Variants in POLA1 observed in about 807,000 individuals in gnomAD.
The protein encoded by POLA1 is DNA polymerase alpha 1, catalytic subunit.
Under a neutral mutation model 124.0 loss-of-function variants are expected in POLA1, and 15 were observed. That is an observed-to-expected ratio of 0.12 (90% CI 0.08 to 0.19). The LOEUF (loss-of-function observed/expected upper bound fraction) is 0.19. Among genes scored for constraint, POLA1 ranks in the 10% least tolerant of loss-of-function variants. The pLI is 1.00. For synonymous variants in POLA1, 408 were observed against 389.4 expected, an observed-to-expected ratio of 1.05 and a Z score of -0.56; for missense variants, 886 against 1,103.4, an observed-to-expected ratio of 0.80 and a Z score of 2.79.
chrX:24,736,417 C>T lies in POLA1; in HGVS notation c.1923+929C>T, dbSNP rs1487894045. ...GTGACATTCTGTCTCAGCACCAGGCCCTCAGTCAGCCTCCAATAACAACAG... is the reference window on the plus strand; with the variant it reads ...GTGACATTCTGTCTCAGCACCAGGCTCTCAGTCAGCCTCCAATAACAACAG... On this transcript the variant is annotated intron_variant, in intron 18 of 36. Coordinates refer to ENST00000379068, the MANE Select transcript of POLA1 (RefSeq NM_001330360.2). Among the ~76,000 whole-genome samples, 3 of 111,478 alleles carry T rather than the reference C, an allele frequency of 2.7e-5. No individual in the cohort carries two copies. In the Admixed American group the frequency reaches 2.9e-4, roughly 11 times the overall value.
At chrX:24,968,409 A>G (rs1162905275) in intron 36 of POLA1, among the ~76,000 whole-genome samples, 1 of 111,901 alleles carries the variant, frequency 8.9e-6, no homozygotes, top group Non-Finnish European at 1.9e-5. Flanking sequence ...TTGCTATAAG[A>G]AGAATCCAGG....
intron 26 of POLA1, among the ~76,000 whole-genome samples, chrX:24,785,055 T>A (rs2148458316): frequency 8.9e-6 from 1 of 112,537 alleles, no homozygotes; most frequent in Non-Finnish European, 1.9e-5. Flanking sequence ...AGTTGGAGAA[T>A]CTCTCAAATG....
At chrX:24,726,911 C>CTT (rs761855543) in intron 13 of POLA1, 22 bp from the exon 14 acceptor site, 25 of 887,656 alleles carry the variant, frequency 2.8e-5, no homozygotes, top group Admixed American at 7.0e-5. Context: ...CAAAAAGATT[C>CTT]TTTTTTTTTT....
At chrX:24,786,568 G>A (rs1364299401) in intron 26 of POLA1, among the ~76,000 whole-genome samples, 3 of 109,003 alleles carry the variant, frequency 2.8e-5, no homozygotes, top group Admixed American at 9.9e-5. Flanking sequence ...GAGTCCAGTG[G>A]CACAATCATA....
chrX:24,849,303 A>C (rs764645253), intron 34 of POLA1, among the ~76,000 whole-genome samples: 1 of 112,815 alleles, frequency 8.9e-6, no homozygotes, highest in African/African-American at 3.2e-5. Context: ...TTTTTTTAGG[A>C]ATCCATAGAA....
At position 24,991,202 on chromosome X, in the gene POLA1, C is replaced by G. The variant is rs753695577; in HGVS notation, c.4262-4603C>G. 1.6e-4 allele frequency among the ~76,000 whole-genome samples: 17 copies of G among 109,421 alleles called. No individual in the cohort carries two copies. The South Asian group carries it at 2.9e-3, about 19-fold the overall frequency. On this transcript the variant is annotated intron_variant, in intron 36 of 36. Transcript: ENST00000379068. ...TTTTTCCTTCTCTACAACCTCCCCCCCCACACCCACCCAAAAAAAAATTCT... is the reference window on the plus strand; with the variant it reads ...TTTTTCCTTCTCTACAACCTCCCCCGCCACACCCACCCAAAAAAAAATTCT...
At chrX:24,910,078 A>G (rs1438516939) in intron 35 of POLA1, among the ~76,000 whole-genome samples, 4 of 108,888 alleles carry the variant, frequency 3.7e-5, no homozygotes, top group Non-Finnish European at 5.7e-5. Context: ...ATTTTTGCAC[A>G]TTGATTTTGT....
chrX:24,865,009 A>G (rs1249241852), intron 34 of POLA1, among the ~76,000 whole-genome samples: 2 of 111,803 alleles, frequency 1.8e-5, no homozygotes, highest in Non-Finnish European at 3.8e-5. Context: ...CCATTTTTAC[A>G]GGTAAGGAAG....
intron 29 of POLA1, among the ~76,000 whole-genome samples, chrX:24,814,351 CT>C (rs2045955138): frequency 8.9e-6 from 1 of 112,380 alleles, no homozygotes; most frequent in African/African-American, 3.2e-5. Flanking sequence ...AAAATATTGG[CT>C]TTCTTACTCC....
intron 24 of POLA1, among the ~76,000 whole-genome samples, chrX:24,746,574 A>G (rs1198277899): frequency 8.9e-6 from 1 of 112,131 alleles, no homozygotes; most frequent in Admixed American, 9.5e-5. Context: ...GTACCTCAGA[A>G]CAGTTAGTGT....
intron 36 of POLA1, among the ~76,000 whole-genome samples, chrX:24,950,841 A>T (rs2048028746): frequency 8.9e-6 from 1 of 112,156 alleles, no homozygotes; most frequent in South Asian, 3.7e-4. Context: ...CAGCTGTTAC[A>T]GAGTCATGTA....
chrX:24,828,762 G>A (rs1406609510), intron 32 of POLA1, among the ~76,000 whole-genome samples: 3 of 111,562 alleles, frequency 2.7e-5, no homozygotes, highest in Non-Finnish European at 5.6e-5. Flanking sequence ...GACTTGCGTA[G>A]CCTTGTATGT....
chrX:24,771,880 C>G (rs1165809874), intron 26 of POLA1, among the ~76,000 whole-genome samples: 1 of 111,661 alleles, frequency 9.0e-6, no homozygotes, highest in Non-Finnish European at 1.9e-5. Context: ...AATACATGTT[C>G]ATTGTAGCAC....
At chrX:24,709,060 G>A (rs1219017735) in intron 4 of POLA1, among the ~76,000 whole-genome samples, 12 of 89,062 alleles carry the variant, frequency 1.3e-4, no homozygotes, top group South Asian at 5.7e-4. Context: ...CTGGCCGGGC[G>A]GGGGGCTGAC....
chrX:24,933,196 T>C (rs1367029951), intron 36 of POLA1, among the ~76,000 whole-genome samples: 1 of 111,564 alleles, frequency 9.0e-6, no homozygotes, highest in Admixed American at 9.5e-5. Context: ...TAAAAGACAA[T>C]TGAATGCAAG....
intron 5 of POLA1, 79 bp from the exon 6 acceptor site, chrX:24,715,062 T>G (rs1301128176): frequency 7.5e-5 from 51 of 681,651 alleles, no homozygotes; most frequent in Non-Finnish European, 1.2e-4. Context: ...GGTCCTTCCT[T>G]TCATATACAT....
At position 24,723,272 on chromosome X, in the gene POLA1, A is replaced by T; in HGVS notation, c.1200+5A>T. 1 of 1,093,901 alleles carries T rather than the reference A, an allele frequency of 9.1e-7. No homozygotes were observed. Among genetic ancestry groups the T allele is most frequent in the Non-Finnish European group, 1.3e-6 (1 of 788,865 alleles). The allele number at this position is 1,093,901 out of a possible 1,213,427, so 90.1% of individuals were successfully genotyped here. On this transcript the variant is annotated splice_donor_5th_base_variant and intron_variant, in intron 11 of 36. Coordinates refer to ENST00000379068, the MANE Select transcript of POLA1 (RefSeq NM_001330360.2). Reference sequence around the variant, plus strand: ...TACTTCCTTCCCCGTGAAATGGTAAACATTAGTGATTAGCTTTTAGTTCTC... The same window carrying T: ...TACTTCCTTCCCCGTGAAATGGTAATCATTAGTGATTAGCTTTTAGTTCTC...
At chrX:24,794,070 G>A (rs908419047) in intron 26 of POLA1, among the ~76,000 whole-genome samples, 2 of 110,514 alleles carry the variant, frequency 1.8e-5, no homozygotes, top group African/African-American at 3.3e-5. Flanking sequence ...TCCACCTCCC[G>A]GGTTCAAATG....
intron 28 of POLA1, among the ~76,000 whole-genome samples, chrX:24,811,315 C>T (rs1312203082): frequency 9.3e-6 from 1 of 107,222 alleles, no homozygotes; most frequent in East Asian, 2.9e-4. Flanking sequence ...GCTGTGTGGC[C>T]AGGCTGGAGT....
Sources: gnomAD v4.1 joint callset for allele counts (sites outside exome capture counted in the v4.1 genomes callset) on GRCh38, gnomAD v4.1.1 for gene constraint, MANE v1.5 for transcripts, NCBI Gene and HGNC (gene_info 2026-07-23, HGNC 2026-07-21) for gene names.